The following NAF1 variants were observed in gnomAD, a reference collection of about 807,000 sequenced individuals.
NAF1 encodes the protein nuclear assembly factor 1 ribonucleoprotein, also known as H/ACA ribonucleoprotein complex non-core subunit NAF1.
NAF1 carries 11 observed loss-of-function variants against 40.6 expected under a neutral mutation model. The observed-to-expected ratio is 0.27, with a 90% CI of 0.17 to 0.45. The LOEUF is 0.45. Ranked by LOEUF, NAF1 falls within the 20% of genes least tolerant of loss-of-function variation. The pLI, the probability that NAF1 is intolerant of heterozygous loss-of-function variation, is 1.00. For synonymous variants in NAF1, 260 were observed against 228.5 expected, an observed-to-expected ratio of 1.14 and a Z score of -1.24; for missense variants, 607 against 611.1, an observed-to-expected ratio of 0.99 and a Z score of 0.07.
intron 2 of NAF1, among the ~76,000 whole-genome samples, chr4:163,110,827 T>C (rs1730138742): frequency 6.6e-6 from 1 of 152,170 alleles, no homozygotes; most frequent in African/African-American, 2.4e-5. Context: ...ACATATTTAG[T>C]CTTAGGAACC....
chr4:163,123,514 TG>T (rs1304344931), downstream of NAF1, among the ~76,000 whole-genome samples: 1 of 152,182 alleles, frequency 6.6e-6, no homozygotes, highest in Non-Finnish European at 1.5e-5. Context: ...CTTGAGTAGC[TG>T]AGACTACAGG....
downstream of NAF1, among the ~76,000 whole-genome samples, chr4:163,123,827 C>T (rs1730580053): frequency 6.6e-6 from 1 of 152,142 alleles, no homozygotes; most frequent in Non-Finnish European, 1.5e-5. Context: ...TAGTAAAAGG[C>T]TAATATAAAG....
chr4:163,128,719 C>T lies in NAF1; in HGVS notation c.*178G>A, dbSNP rs1160801766. On this transcript the variant is annotated 3_prime_UTR_variant, in exon 8 of 8. Coordinates refer to ENST00000274054, the MANE Select transcript of NAF1 (RefSeq NM_138386.3). Reference sequence around the variant, plus strand: ...ATGTTCTCCCAAGAATTTGAGCTGACATTTTCATATGAATACAATTTCACA... The same window carrying T: ...ATGTTCTCCCAAGAATTTGAGCTGATATTTTCATATGAATACAATTTCACA... The T allele has an allele frequency of 4.5e-6, 5 of 1,109,564 alleles. No individual in the cohort carries two copies. The highest frequency in any genetic ancestry group is 5.7e-6 in the Non-Finnish European group (5 of 872,874). The allele number at this position is 1,109,564 out of a possible 1,614,324, so 68.7% of individuals were successfully genotyped here.
chr4:163,144,752 A>C (rs1339640903), intron 4 of NAF1, among the ~76,000 whole-genome samples: 1 of 152,328 alleles, frequency 6.6e-6, no homozygotes, highest in East Asian at 1.9e-4. Context: ...GTTATATTTT[A>C]TCTGACTCCT....
In NAF1 at chr4:163,129,320, A is replaced by T. The variant is rs1379153345; in HGVS notation, c.1062T>A (p.Asn354Lys). The change falls in exon 8 of 8, where the codon AAT becomes AAA. Residue 354 changes from asparagine to lysine, a missense_variant. Physicochemically the swap from Asn to Lys is moderately conservative, Grantham distance 94. This residue lies in a region of NAF1 where 189 missense variants were observed against 216.6 expected (regional missense o/e 0.87). Coordinates refer to ENST00000274054, the MANE Select transcript of NAF1 (RefSeq NM_138386.3). ...CTGAAGCAGAGCTATGAGCATTCCA[A>T]TTCTGATGTACTTCAGTAAAATCTT... ...PGEDFTEVHQ[N>K]WNAHSSASEH... The T allele has an allele frequency of 6.2e-7, 1 of 1,612,282 alleles. No homozygotes were observed. The highest frequency in any genetic ancestry group is 1.1e-5 in the South Asian group (1 of 91,038).
At chr4:163,118,041 GC>G (rs1459751884) in intron 2 of NAF1, among the ~76,000 whole-genome samples, 2 of 152,028 alleles carry the variant, frequency 1.3e-5, no homozygotes, top group South Asian at 2.1e-4. Context: ...ATCTTTCAGA[GC>G]CATTTTTGAT....
At chr4:163,138,367 A>G (rs565439007) in intron 5 of NAF1, among the ~76,000 whole-genome samples, 1 of 152,220 alleles carries the variant, frequency 6.6e-6, no homozygotes, top group South Asian at 2.1e-4. Context: ...ATGACATCTC[A>G]TGATCTGGAC....
intron 7 of NAF1, among the ~76,000 whole-genome samples, chr4:163,131,196 TTC>T (rs1165937504): frequency 6.6e-6 from 1 of 152,158 alleles, no homozygotes; most frequent in African/African-American, 2.4e-5. Flanking sequence ...AGATAATGAC[TTC>T]TTAGATAGGA....
In NAF1 at chr4:163,112,184, T is replaced by C. The variant is rs545008194; in HGVS notation, c.115-1894A>G. ...CGATTTTACAAAATGGAAAAAATGA[T>C]TGGGGGGGGAGAAAAATTGCTAGAG... On this transcript the variant is annotated intron_variant, in intron 2 of 2. Transcript: ENST00000509434. 6.1e-4 allele frequency among the ~76,000 whole-genome samples: 93 copies of C among 151,702 alleles called. No individual in the cohort carries two copies. The Middle Eastern group carries it at 0.014, about 22-fold the overall frequency.
Position 163,162,557 on chromosome 4 carries a change from ATACACT to A in NAF1, c.540+1654_540+1659del, listed in dbSNP as rs563526848. 3.3e-5 allele frequency among the ~76,000 whole-genome samples: 5 copies of A among 152,350 alleles called. No homozygotes were observed. In the South Asian group the frequency reaches 8.3e-4, roughly 25 times the overall value. ...TGGAATTTTGTCTTTCGAGGCAAAC[ATACACT>A]TACACAATTCAATAGCATTTTTAGC... On this transcript the variant is annotated intron_variant, in intron 2 of 7. Transcript: ENST00000274054.
In NAF1 at chr4:163,153,831, G is replaced by A. The variant is rs1469385381; in HGVS notation, c.541-5397C>T. On this transcript the variant is annotated intron_variant, in intron 2 of 7. Coordinates refer to ENST00000274054, the MANE Select transcript of NAF1 (RefSeq NM_138386.3). ...ACCCGCTCGGGTCCCCTTCCACACC[G>A]TGGAAGCTTTGTTCTTTCGCTCTTT... is the stretch of plus-strand genomic sequence containing the variant. Among the ~76,000 whole-genome samples, 6 of 152,152 alleles carry A rather than the reference G, an allele frequency of 3.9e-5. No homozygotes were observed. The East Asian group carries it at 5.8e-4, about 15-fold the overall frequency.
Position 163,128,787 on chromosome 4 carries a change from T to C in NAF1, c.*110A>G, listed in dbSNP as rs1439060836. ...TCAACTTACAACAGAAGGAATCATT[T>C]AGTATTTTACAGTGTTTTTAAAAAT... On this transcript the variant is annotated 3_prime_UTR_variant, in exon 8 of 8. Coordinates refer to ENST00000274054, the MANE Select transcript of NAF1 (RefSeq NM_138386.3). 4.6e-6 allele frequency: 6 copies of C among 1,307,114 alleles called. No homozygotes were observed. Among genetic ancestry groups the C allele is most frequent in the Non-Finnish European group, 5.0e-6 (5 of 991,374 alleles). 81.0% of individuals were successfully genotyped at this position (1,307,114 alleles called of 1,614,324 possible).
downstream of NAF1, among the ~76,000 whole-genome samples, chr4:163,105,323 TA>T (rs1730035392): frequency 6.6e-6 from 1 of 152,184 alleles, no homozygotes; most frequent in Non-Finnish European, 1.5e-5. Flanking sequence ...TTATAAACAT[TA>T]AGTAAGATAA....
intron 3 of NAF1, among the ~76,000 whole-genome samples, chr4:163,147,260 A>G (rs1217208726): frequency 6.6e-6 from 1 of 152,188 alleles, no homozygotes; most frequent in Non-Finnish European, 1.5e-5. Context: ...AAAAAGTCAA[A>G]AGAAAAAGGT....
At chr4:163,158,893 T>C (rs1579186557) in intron 2 of NAF1, among the ~76,000 whole-genome samples, 1 of 152,196 alleles carries the variant, frequency 6.6e-6, no homozygotes, top group Non-Finnish European at 1.5e-5. Context: ...TTCCACTCAA[T>C]CCTATCACTT....
intron 2 of NAF1, among the ~76,000 whole-genome samples, chr4:163,158,538 T>G (rs1732084480): frequency 6.6e-6 from 1 of 152,056 alleles, no homozygotes; most frequent in African/African-American, 2.4e-5. Context: ...CTCAGACAAG[T>G]CAATTAAAAA....
intron 3 of NAF1, among the ~76,000 whole-genome samples, chr4:163,146,158 G>A (rs1202523469): frequency 1.3e-5 from 2 of 152,114 alleles, no homozygotes; most frequent in Non-Finnish European, 2.9e-5. Flanking sequence ...TTCAAGCTAT[G>A]TACATATTCT....
intron 7 of NAF1, among the ~76,000 whole-genome samples, chr4:163,130,058 C>T (rs895922038): frequency 3.3e-5 from 5 of 152,176 alleles, no homozygotes; most frequent in African/African-American, 1.2e-4. Context: ...ACCTAGACTT[C>T]AATCTACCCT....
At chr4:163,110,444 G>C (rs892966178) in intron 2 of NAF1, among the ~76,000 whole-genome samples, 1 of 152,072 alleles carries the variant, frequency 6.6e-6, no homozygotes. Flanking sequence ...CTTTATCATA[G>C]GTATGTAAGT....
Sources: allele counts gnomAD v4.1 joint callset (sites outside exome capture counted in the v4.1 genomes callset), GRCh38; gene constraint gnomAD v4.1.1; regional missense constraint gnomAD v4.1.1; transcripts MANE v1.5; gene names NCBI Gene and HGNC (gene_info 2026-07-23, HGNC 2026-07-21).